TTLL8: variants seen among roughly 807,000 people sequenced by gnomAD.
TTLL8 encodes the protein tubulin tyrosine ligase like 8, also known as protein monoglycylase TTLL8.
A neutral mutation model predicts 77.8 loss-of-function variants in TTLL8; 65 were observed. The observed-to-expected ratio is 0.84, with a 90% confidence interval of 0.68 to 1.03. The LOEUF is 1.03. Ranked by LOEUF, TTLL8 falls within the 50% of genes least tolerant of loss-of-function variation. The pLI is 0.00. For missense variants in TTLL8, 910 were observed against 1,004.5 expected (o/e 0.91, Z 1.27); for synonymous variants, 402 against 422.8 (o/e 0.95, Z 0.60).
chr22:50,022,353 C>T (rs185558527), intron 12 of TTLL8, among the ~76,000 whole-genome samples: 6 of 147,868 alleles, frequency 4.1e-5, no homozygotes, highest in Non-Finnish European at 7.4e-5. Flanking sequence ...AATGTGTACT[C>T]CTCCATCTGA....
intron 12 of TTLL8, among the ~76,000 whole-genome samples, chr22:50,020,590 T>C (rs116077434): frequency 0.051 from 4,023 of 78,250 alleles, 71 homozygotes; most frequent in South Asian, 0.11. Flanking sequence ...ACTCCTCCAT[T>C]TGACGTGAAC....
chr22:50,056,007 C>T (rs755415051), upstream of TTLL8, among the ~76,000 whole-genome samples: 14 of 152,156 alleles, frequency 9.2e-5, no homozygotes, highest in African/African-American at 2.4e-4. The surrounding 1 kb of genome is among the most constrained non-coding windows in gnomAD (Gnocchi z 4.1). Context: ...AAGCTGGCCA[C>T]GACCCACCAA....
upstream of TTLL8, chr22:50,056,676 G>C: frequency 1.2e-6 from 1 of 848,526 alleles, no homozygotes; most frequent in Non-Finnish European, 1.4e-6. This position sits in a 1 kb window ranked among gnomAD's most constrained non-coding sequence, Gnocchi z 4.1. Flanking sequence ...CAGGAGGCAG[G>C]AGCCAGCGCC....
At chr22:50,037,394 GA>G (rs1376375206) in intron 8 of TTLL8, among the ~76,000 whole-genome samples, 1 of 151,974 alleles carries the variant, frequency 6.6e-6, no homozygotes, top group Non-Finnish European at 1.5e-5. Flanking sequence ...TTTTAGTAGA[GA>G]TGGGTTTCAC....
intron 6 of TTLL8, among the ~76,000 whole-genome samples, chr22:50,043,413 GGATA>G (rs1217151853): frequency 2.2e-5 from 2 of 91,954 alleles, no homozygotes; most frequent in African/African-American, 8.0e-5. Context: ...TTCGGTAGAT[GGATA>G]GATAGATAAA....
chr22:50,045,427 C>A (rs2061403244), intron 5 of TTLL8, 38 bp from the exon 8 acceptor site: 2 of 1,357,864 alleles, frequency 1.5e-6, no homozygotes, highest in Non-Finnish European at 2.0e-6. Flanking sequence ...TCTGTCCGAG[C>A]CAGGACTGGG....
chr22:50,056,008 G>A (rs2061468952), upstream of TTLL8, among the ~76,000 whole-genome samples: 1 of 152,126 alleles, frequency 6.6e-6, no homozygotes, highest in Non-Finnish European at 1.5e-5. The surrounding 1 kb of genome is among the most constrained non-coding windows in gnomAD (Gnocchi z 4.1). Context: ...AGCTGGCCAC[G>A]ACCCACCAAA....
intron 12 of TTLL8, among the ~76,000 whole-genome samples, chr22:50,026,110 A>T (rs1411201386): frequency 6.6e-6 from 1 of 152,226 alleles, no homozygotes; most frequent in East Asian, 1.9e-4. Context: ...TCACAGTCCT[A>T]CAGTGGAAGC....
exon 12 of TTLL8, chr22:50,030,604 G>C (rs1404045218): frequency 1.5e-6 from 2 of 1,298,006 alleles, no homozygotes; most frequent in Admixed American, 2.3e-5. Context: ...CAGGCCGGGA[G>C]CTCCACCTTC....
At chr22:50,042,082 C>T (rs2061375215) in intron 6 of TTLL8, among the ~76,000 whole-genome samples, 1 of 152,192 alleles carries the variant, frequency 6.6e-6, no homozygotes, top group African/African-American at 2.4e-5. Flanking sequence ...GCCACCTCCC[C>T]ACAGGAAACA....
Position 50,044,170 on chromosome 22 carries a change from C to T in TTLL8, c.643+1085G>A, listed in dbSNP as rs1312467145. On this transcript the variant is annotated intron_variant, in intron 6 of 13. Transcript: ENST00000266182. This position sits in a 1 kb window ranked among gnomAD's most constrained non-coding sequence, Gnocchi z 4.2. ...CAAAACCCCATCTCTACTAAAAATACAAAACATTAGCCGGGCGTGGTGGTG... is the reference window on the plus strand; with the variant it reads ...CAAAACCCCATCTCTACTAAAAATATAAAACATTAGCCGGGCGTGGTGGTG... 6.6e-6 allele frequency among the ~76,000 whole-genome samples: 1 copy of T among 152,082 alleles called. No individual in the cohort carries two copies. The highest frequency in any genetic ancestry group is 2.4e-5 in the African/African-American group (1 of 41,410).
chr22:50,037,346 T>C (rs928261888), intron 8 of TTLL8, among the ~76,000 whole-genome samples: 1 of 152,018 alleles, frequency 6.6e-6, no homozygotes, highest in African/African-American at 2.4e-5. Flanking sequence ...TAGCTGGGAC[T>C]ACAGGCACGC....
chr22:50,048,522 G>A (rs1358416250), intron 3 of TTLL8, among the ~76,000 whole-genome samples: 1 of 152,098 alleles, frequency 6.6e-6, no homozygotes, highest in African/African-American at 2.4e-5. Flanking sequence ...CCAGCCTCCA[G>A]AACAGTGAGG....
At chr22:50,032,203 G>A in intron 10 of TTLL8, 94 bp from the exon 12 acceptor site, 1 of 1,247,978 alleles carries the variant, frequency 8.0e-7, no homozygotes, top group Non-Finnish European at 1.0e-6. Flanking sequence ...CCACCCAGCT[G>A]GCTCTAGAGA....
At position 50,050,256 on chromosome 22, in the gene TTLL8, G is replaced by T; in HGVS notation, c.52-9C>A. 7.6e-7 allele frequency: 1 copy of T among 1,311,402 alleles called. No individual in the cohort carries two copies. The highest frequency in any genetic ancestry group is 1.0e-6 in the Non-Finnish European group (1 of 992,934). 81.2% of individuals were successfully genotyped at this position (1,311,402 alleles called of 1,614,324 possible). ...GAGAAAATCTTCTTCTCCTAAAATG[G>T]CAAGAGGATATTTTATTTTATTTCA... On this transcript the variant is annotated splice_polypyrimidine_tract_variant and intron_variant, in intron 1 of 13. Coordinates refer to ENST00000266182, the Ensembl canonical transcript of TTLL8.
intron 8 of TTLL8, among the ~76,000 whole-genome samples, chr22:50,037,852 T>C: frequency 6.6e-6 from 1 of 152,238 alleles, no homozygotes; most frequent in Non-Finnish European, 1.5e-5. Context: ...TCTTAAATCA[T>C]TCATATTTCT....
chr22:50,030,607 C>A lies in TTLL8; in HGVS notation c.2026G>T (p.Glu676Ter). 7.7e-7 allele frequency: 1 copy of A among 1,296,154 alleles called. No individual in the cohort carries two copies. The highest frequency in any genetic ancestry group is 1.3e-5 in the South Asian group (1 of 76,426). The allele number at this position is 1,296,154 out of a possible 1,614,324, so 80.3% of individuals were successfully genotyped here. Residue 676 changes from glutamate to a stop codon, truncating the protein, a stop_gained, in exon 12 of 14, where the codon GAG becomes TAG. Coordinates refer to ENST00000266182, the Ensembl canonical transcript of TTLL8. LOFTEE classifies it high-confidence loss of function. ...TGGCGACAGGGGCAGGCCGGGAGCT[C>A]CACCTTCCCAGCAGCTTTGGTGCGG...
intron 12 of TTLL8, among the ~76,000 whole-genome samples, chr22:50,026,563 C>G (rs774093850): frequency 1.3e-5 from 2 of 152,212 alleles, no homozygotes; most frequent in Admixed American, 6.5e-5. Context: ...CAGACCGTGC[C>G]GCTCCACCTG....
exon 10 of TTLL8, chr22:50,033,389 G>C (rs759131767): frequency 7.3e-7 from 1 of 1,365,164 alleles, no homozygotes; most frequent in Non-Finnish European, 9.8e-7. Flanking sequence ...CTGGAAAGAG[G>C]GTGGTCTGCA....
Sources: gnomAD v4.1 joint callset for allele counts (sites outside exome capture counted in the v4.1 genomes callset) on GRCh38, gnomAD v4.1.1 for gene constraint, Gnocchi (gnomAD v3.1) non-coding constraint, MANE v1.5 for transcripts, NCBI Gene and HGNC (gene_info 2026-07-23, HGNC 2026-07-21) for gene names.